The following SLC39A8 variants were observed in gnomAD, a reference collection of about 807,000 sequenced individuals.
SLC39A8 encodes solute carrier family 39 member 8.
Under a neutral mutation model 40.4 loss-of-function variants are expected in SLC39A8, and 15 were observed. The ratio of observed to expected loss-of-function variants is 0.37; its 90% CI spans 0.25 to 0.57. The LOEUF (loss-of-function observed/expected upper bound fraction) is 0.57, where lower values mean the gene tolerates loss of function less well. SLC39A8 is among the 20% of genes least tolerant of loss of function. The pLI, the probability that SLC39A8 is intolerant of heterozygous loss-of-function variation, is 0.75. For synonymous variants in SLC39A8, 223 were observed against 221.6 expected (o/e 1.01, Z -0.06); for missense variants, 472 against 558.8 (o/e 0.84, Z 1.57).
chr4:102,324,518 T>C (rs1735115198), intron 2 of SLC39A8, among the ~76,000 whole-genome samples: 1 of 151,486 alleles, frequency 6.6e-6, no homozygotes, highest in Admixed American at 6.6e-5. Context: ...TTTGTTTAGT[T>C]TGCAGCTATG....
intron 6 of SLC39A8, chr4:102,269,710 C>T (rs550403992): frequency 3.3e-5 from 5 of 152,234 alleles, no homozygotes; most frequent in African/African-American, 9.6e-5. Flanking sequence ...ACACACATAT[C>T]GGGGATGGGA....
intron 3 of SLC39A8, 107 bp from the exon 4 acceptor site, chr4:102,307,712 A>T (rs1560552246): frequency 1.8e-6 from 2 of 1,120,258 alleles, no homozygotes; most frequent in Non-Finnish European, 2.6e-6. Flanking sequence ...TAAGACACAT[A>T]TCTTCTTTAA....
At chr4:102,310,249 C>T (rs6814003) in intron 3 of SLC39A8, among the ~76,000 whole-genome samples, 21,007 of 152,050 alleles carry the variant, frequency 0.14, 1,706 homozygotes, top group Middle Eastern at 0.24. Flanking sequence ...ACAAAGATCT[C>T]CTCTATGAAG....
intron 6 of SLC39A8, among the ~76,000 whole-genome samples, chr4:102,292,226 G>A (rs1328416904): frequency 2.6e-5 from 4 of 151,948 alleles, no homozygotes; most frequent in African/African-American, 9.7e-5. Flanking sequence ...TGAAAAATAG[G>A]TGAAGTGATG....
rs1731907301 is a variant in SLC39A8, at chr4:102,262,478, G to C, written c.*566C>G. On this transcript the variant is annotated 3_prime_UTR_variant, in exon 9 of 9. Coordinates refer to ENST00000356736, the MANE Select transcript of SLC39A8 (RefSeq NM_001135146.2). Reference sequence around the variant, plus strand: ...AATGGTTTTCAAAATAATACTGCAAGTTCCTAATTGAAATACAAAACAGAA... The same window carrying C: ...AATGGTTTTCAAAATAATACTGCAACTTCCTAATTGAAATACAAAACAGAA... The C allele has an allele frequency of 1.5e-5, 15 of 985,036 alleles. No homozygotes were observed. Among genetic ancestry groups the C allele is most frequent in the Non-Finnish European group, 1.7e-5 (14 of 829,626 alleles). The allele number at this position is 985,036 out of a possible 1,614,324, so 61.0% of individuals were successfully genotyped here. A position where few individuals can be genotyped will look rare whatever the true frequency, so the allele number is the denominator to read the frequency against.
chr4:102,328,000 A>T (rs1446885788), intron 2 of SLC39A8, among the ~76,000 whole-genome samples: 1 of 152,208 alleles, frequency 6.6e-6, no homozygotes, highest in Non-Finnish European at 1.5e-5. Flanking sequence ...GTTGCCGTAA[A>T]GAATATAGTA....
chr4:102,282,108 T>G (rs1732913088), intron 6 of SLC39A8, among the ~76,000 whole-genome samples: 1 of 152,152 alleles, frequency 6.6e-6, no homozygotes, highest in Non-Finnish European at 1.5e-5. Flanking sequence ...ACCAAAGTCA[T>G]ACCTCTAGAA....
intron 11 of SLC39A8, among the ~76,000 whole-genome samples, chr4:102,254,526 A>G (rs1731667202): frequency 6.6e-6 from 1 of 152,244 alleles, no homozygotes; most frequent in African/African-American, 2.4e-5. Flanking sequence ...TAATTATTTC[A>G]ACACTAACCT....
downstream of SLC39A8, among the ~76,000 whole-genome samples, chr4:102,256,837 C>A (rs1187707959): frequency 1.3e-5 from 2 of 152,100 alleles, no homozygotes; most frequent in African/African-American, 4.8e-5. Context: ...TGAGGCAGGT[C>A]CATTAATTTA....
intron 6 of SLC39A8, among the ~76,000 whole-genome samples, chr4:102,285,628 G>GGTGT (rs59048258): frequency 0.37 from 55,128 of 149,930 alleles, 10,548 homozygotes; most frequent in Non-Finnish European, 0.43. Flanking sequence ...TATAGATGAG[G>GGTGT]GTGTGTGTGT....
At chr4:102,341,985 A>G (rs182915212) in intron 2 of SLC39A8, among the ~76,000 whole-genome samples, 46 of 152,310 alleles carry the variant, frequency 3.0e-4, no homozygotes, top group Non-Finnish European at 5.9e-4. Context: ...AGACATGTGC[A>G]TTGTTTATTC....
chr4:102,253,453 A>G (rs1408855622), intron 11 of SLC39A8: 1 of 714,784 alleles, frequency 1.4e-6, no homozygotes. Flanking sequence ...GAGAAGGAAC[A>G]TAGTAAAGTT....
intron 6 of SLC39A8, among the ~76,000 whole-genome samples, chr4:102,284,200 A>G (rs1459923111): frequency 2.0e-5 from 3 of 152,210 alleles, no homozygotes; most frequent in African/African-American, 7.2e-5. Context: ...TCACCCAAAT[A>G]AAGTATATTG....
intron 2 of SLC39A8, chr4:102,324,232 TA>T: frequency 5.6e-6 from 2 of 359,392 alleles, no homozygotes; most frequent in Non-Finnish European, 1.1e-5. Flanking sequence ...CCGTCTATAC[TA>T]AAAATATAAA....
At chr4:102,343,117 T>A (rs1181346793) in intron 2 of SLC39A8, among the ~76,000 whole-genome samples, 1 of 152,134 alleles carries the variant, frequency 6.6e-6, no homozygotes, top group African/African-American at 2.4e-5. Context: ...TAAAATACCA[T>A]GCCCAGAACT....
downstream of SLC39A8, among the ~76,000 whole-genome samples, chr4:102,260,117 G>A: frequency 6.6e-6 from 1 of 152,212 alleles, no homozygotes; most frequent in East Asian, 1.9e-4. Flanking sequence ...AATTAAAATA[G>A]TTAAAGTGAC....
intron 6 of SLC39A8, among the ~76,000 whole-genome samples, chr4:102,271,989 A>G: frequency 6.6e-6 from 1 of 152,102 alleles, no homozygotes; most frequent in East Asian, 1.9e-4. Flanking sequence ...AGCCAAGTAT[A>G]TGGTGTCATC....
At chr4:102,259,706 G>A (rs1456414784), downstream of SLC39A8, among the ~76,000 whole-genome samples, 1 of 152,164 alleles carries the variant, frequency 6.6e-6, no homozygotes, top group Non-Finnish European at 1.5e-5. Context: ...TACTTAGTAG[G>A]GCCCTACCTA....
At position 102,282,330 on chromosome 4, in the gene SLC39A8, C is replaced by T. The variant is rs1443370250; in HGVS notation, c.841-14251G>A. ...ATGACATGTTCACAAATCATTGTCC[C>T]ATGAAGCATGTATTCCAGTCTTTCC... On this transcript the variant is annotated intron_variant, in intron 6 of 8. Coordinates refer to ENST00000356736, the MANE Select transcript of SLC39A8 (RefSeq NM_001135146.2). Among the ~76,000 whole-genome samples the T allele has an allele frequency of 1.3e-5, 2 of 152,174 alleles. 1 individual carries two copies. The highest frequency in any genetic ancestry group is 1.3e-4 in the Admixed American group (2 of 15,278).
Sources: allele counts gnomAD v4.1 joint callset (sites outside exome capture counted in the v4.1 genomes callset), GRCh38; gene constraint gnomAD v4.1.1; transcripts MANE v1.5; gene names NCBI Gene and HGNC (gene_info 2026-07-23, HGNC 2026-07-21).